PRR15: variants seen among roughly 807,000 people sequenced by gnomAD.
The protein encoded by PRR15 is proline-rich protein 15.
A neutral mutation model predicts 3.0 loss-of-function variants in PRR15; 4 were observed. That is an observed-to-expected ratio of 1.34 (90% CI 0.66 to 3.08). The LOEUF is 3.08. Ranked by LOEUF, PRR15 falls within the 30% of genes most tolerant of loss-of-function variation. PRR15 has a pLI of 0.01. For missense variants in PRR15, 200 were observed against 179.5 expected, an observed-to-expected ratio of 1.11 and a Z score of -0.65; for synonymous variants, 82 against 79.8, an observed-to-expected ratio of 1.03 and a Z score of -0.14.
Position 29,566,700 on chromosome 7 carries a change from C to A in PRR15, c.371C>A (p.Pro124His), listed in dbSNP as rs112093295. The A allele has an allele frequency of 0.07, 109,924 of 1,560,386 alleles. 4,590 individuals are homozygous for A. The highest frequency in any genetic ancestry group is 0.16 in the Middle Eastern group (892 of 5,696). The change falls in exon 2 of 2, where the codon CCC becomes CAC. Residue 124 changes from proline (P) to histidine (H), a missense_variant. Physicochemically the swap from Pro to His is moderately conservative, Grantham distance 77 (BLOSUM62 -2). Transcript: ENST00000319694. ...GAGGAGGCAGGCTTTCCTGGTGACC[C>A]CCACGAGGACAAGCAGTAGCCCCAA... ...SPEEAGFPGD[P>H]HEDKQ is the part of the protein sequence containing the mutation.
Position 29,566,271 on chromosome 7 carries a change from A to G in PRR15, c.-59A>G. On this transcript the variant is annotated 5_prime_UTR_variant, in exon 2 of 2. Transcript: ENST00000319694. ...GAGTGAACGGCCGGAGACCACGTGG[A>G]GAAAGGGGCCGCTTTGGCCCTTCCA... is the stretch of plus-strand genomic sequence containing the variant. The G allele has an allele frequency of 4.0e-6, 6 of 1,510,498 alleles. No homozygotes were observed. The highest frequency in any genetic ancestry group is 1.8e-4 in the Middle Eastern group (1 of 5,420). 93.6% of individuals were successfully genotyped at this position (1,510,498 alleles called of 1,614,324 possible). A position where few individuals can be genotyped will look rare whatever the true frequency, so the allele number is the denominator to read the frequency against.
rs1415435306 is a variant in PRR15 at position 29,566,046 on chromosome 7, A to T, written c.-145-139A>T. On this transcript the variant is annotated intron_variant, in intron 1 of 1. Transcript: ENST00000319694. ...TGGGGCGCAGTGGCGTCTAATGCTA[A>T]TGTGGGCTACGTAGCTACGGGATTG... 1.9e-5 allele frequency: 10 copies of T among 518,276 alleles called. 1 individual carries two copies. Among genetic ancestry groups the T allele is most frequent in the Admixed American group, 3.8e-5 (1 of 26,662 alleles). 32.1% of individuals were successfully genotyped at this position (518,276 alleles called of 1,614,324 possible).
rs1316889748 is a variant in PRR15 at position 29,566,423 on chromosome 7, C to A, written c.94C>A (p.Pro32Thr). 1.2e-6 allele frequency: 2 copies of A among 1,607,470 alleles called. No individual in the cohort carries two copies. Among genetic ancestry groups the A allele is most frequent in the Non-Finnish European group, 1.7e-6 (2 of 1,177,562 alleles). The change falls in exon 2 of 2, where the codon CCG becomes ACG. Residue 32 changes from proline to threonine, a missense_variant. By Grantham distance (38) the Pro-to-Thr change is conservative. Coordinates refer to ENST00000319694, the MANE Select transcript of PRR15 (RefSeq NM_175887.3). ...AAGCAAGGAAGCCGCAGTGGGGGTGCCGCCTCCCGCCCAGCCCGCTCCCGG... is the reference window on the plus strand; with the variant it reads ...AAGCAAGGAAGCCGCAGTGGGGGTGACGCCTCCCGCCCAGCCCGCTCCCGG... ...KKSKEAAVGVPPPAQPAPGEP... is the reference protein window; with the variant it reads ...KKSKEAAVGVTPPAQPAPGEP...
chr7:29,566,224 G>C lies in PRR15; in HGVS notation c.-106G>C. On this transcript the variant is annotated 5_prime_UTR_variant, in exon 2 of 2. Coordinates refer to ENST00000319694, the MANE Select transcript of PRR15 (RefSeq NM_175887.3). The stretch of plus-strand genomic sequence containing the variant: ...TCAGCATCCACCCCGCAGCCCACGT[G>C]TGGCAAGCCGGGGAAGGGGTGGAGT... The C allele has an allele frequency of 7.6e-7, 1 of 1,317,016 alleles. No individual in the cohort carries two copies. Among genetic ancestry groups the C allele is most frequent in the Admixed American group, 2.8e-5 (1 of 36,178 alleles). The allele number at this position is 1,317,016 out of a possible 1,614,324, so 81.6% of individuals were successfully genotyped here.
At chr7:29,565,108 C>G (rs1792861215) in intron 1 of PRR15, among the ~76,000 whole-genome samples, 1 of 152,240 alleles carries the variant, frequency 6.6e-6, no homozygotes, top group Non-Finnish European at 1.5e-5. Flanking sequence ...CCCAAGAGAC[C>G]CCGCACAGAA....
Position 29,566,966 on chromosome 7 carries a change from G to C in PRR15, c.*247G>C. The stretch of plus-strand genomic sequence containing the variant: ...GTAAGAGAAGATACCTGCCGCGGAG[G>C]AGGGTGGCATAATTATTTTTTTTTC... On this transcript the variant is annotated 3_prime_UTR_variant, in exon 2 of 2. Transcript: ENST00000319694. 1 of 422,100 alleles carries C rather than the reference G, an allele frequency of 2.4e-6. No homozygotes were observed. 26.1% of individuals were successfully genotyped at this position (422,100 alleles called of 1,614,324 possible).
chr7:29,566,908 T>A lies in PRR15; in HGVS notation c.*189T>A. ...TGTCAATTGGGTTCTCAATATTTCATGACTCCAAGGATGCATTAAATATTT... is the reference window on the plus strand; with the variant it reads ...TGTCAATTGGGTTCTCAATATTTCAAGACTCCAAGGATGCATTAAATATTT... On this transcript the variant is annotated 3_prime_UTR_variant, in exon 2 of 2. Coordinates refer to ENST00000319694, the MANE Select transcript of PRR15 (RefSeq NM_175887.3). 1 of 592,472 alleles carries A rather than the reference T, an allele frequency of 1.7e-6. No individual in the cohort carries two copies. Among genetic ancestry groups the A allele is most frequent in the East Asian group, 3.0e-5 (1 of 33,012 alleles). The allele number at this position is 592,472 out of a possible 1,614,324, so 36.7% of individuals were successfully genotyped here. A position where few individuals can be genotyped will look rare whatever the true frequency, so the allele number is the denominator to read the frequency against.
In PRR15 at chr7:29,566,319, G is replaced by A. The variant is rs2302617; in HGVS notation, c.-11G>A. The A allele has an allele frequency of 0.15, 236,189 of 1,600,760 alleles. 18,591 individuals carry two copies. Among genetic ancestry groups the A allele is most frequent in the East Asian group, 0.27 (12,055 of 44,682 alleles). ...CCATCTGGGTGCCGGGAGCCCCTAG[G>A]CCCTCCGGCCATGGCCGACAGCGGC... On this transcript the variant is annotated 5_prime_UTR_variant, in exon 2 of 2. Transcript: ENST00000319694.
intron 1 of PRR15, among the ~76,000 whole-genome samples, chr7:29,565,096 C>T (rs1259319531): frequency 6.6e-6 from 1 of 152,192 alleles, no homozygotes; most frequent in Non-Finnish European, 1.5e-5. Flanking sequence ...CTGGTGGCAG[C>T]GCCCAAGAGA....
In PRR15 at chr7:29,566,360, G is replaced by T. The variant is rs755013306; in HGVS notation, c.31G>T (p.Gly11Cys). 6.2e-7 allele frequency: 1 copy of T among 1,609,402 alleles called. No individual in the cohort carries two copies. The highest frequency in any genetic ancestry group is 8.5e-7 in the Non-Finnish European group (1 of 1,179,484). MADSGDAGSS[G>C]PWWKSLTNSR... is the part of the protein sequence containing the mutation. The stretch of plus-strand genomic sequence containing the variant: ...CGACAGCGGCGATGCTGGCAGCTCC[G>T]GCCCCTGGTGGAAATCGCTCACCAA... The change falls in exon 2 of 2, where the codon GGC becomes TGC. Residue 11 changes from glycine to cysteine, a missense_variant. Physicochemically the swap from Gly to Cys is radical, Grantham distance 159. Coordinates refer to ENST00000319694, the MANE Select transcript of PRR15 (RefSeq NM_175887.3).
chr7:29,566,705 G>A lies in PRR15; in HGVS notation c.376G>A (p.Glu126Lys), dbSNP rs866741734. The A allele has an allele frequency of 3.8e-6, 6 of 1,559,088 alleles. 1 individual carries two copies. The South Asian group carries it at 5.9e-5, about 15-fold the overall frequency. Residue 126 changes from glutamate to lysine, a missense_variant, in exon 2 of 2, where the codon GAG becomes AAG. Transcript: ENST00000319694. The stretch of plus-strand genomic sequence containing the variant: ...GGCAGGCTTTCCTGGTGACCCCCAC[G>A]AGGACAAGCAGTAGCCCCAATAGCC... ...EEAGFPGDPH[E>K]DKQ
At position 29,563,870 on chromosome 7, in the gene PRR15, C is replaced by T. The variant is rs1792821150; in HGVS notation, c.-653C>T. 6.6e-6 allele frequency: 1 copy of T among 152,292 alleles called. No homozygotes were observed. Among genetic ancestry groups the T allele is most frequent in the Non-Finnish European group, 1.5e-5 (1 of 68,066 alleles). The allele number at this position is 152,292 out of a possible 1,614,324, so 9.4% of individuals were successfully genotyped here. On this transcript the variant is annotated 5_prime_UTR_variant, in exon 1 of 2. Transcript: ENST00000319694. ...TTTCTCCCCCAGCTGCCCCAGGGTT[C>T]TGGTTTCCCGAATCACTTGGCAAAT...
Sources: gnomAD v4.1 joint callset for allele counts (sites outside exome capture counted in the v4.1 genomes callset) on GRCh38, gnomAD v4.1.1 for gene constraint, MANE v1.5 for transcripts, NCBI Gene and HGNC (gene_info 2026-07-23, HGNC 2026-07-21) for gene names.